The following NPAS1 variants were observed in gnomAD, a reference collection of about 807,000 sequenced individuals.
NPAS1 encodes the protein neuronal PAS domain protein 1.
In NPAS1, 29 loss-of-function variants were observed where a neutral mutation model predicts 49.2. The observed-to-expected ratio is 0.59, with a 90% confidence interval of 0.44 to 0.80. The LOEUF (loss-of-function observed/expected upper bound fraction) is 0.80. NPAS1 is among the 30% of genes least tolerant of loss of function. The pLI, the probability that NPAS1 is intolerant of heterozygous loss-of-function variation, is 0.00. For missense variants in NPAS1, 825 were observed against 835.5 expected (o/e 0.99, Z 0.15); for synonymous variants, 408 against 380.4 (o/e 1.07, Z -0.84).
Position 47,039,103 on chromosome 19 carries a change from A to G in NPAS1, c.756A>G (p.Lys252=), listed in dbSNP as rs2056991335. 1.2e-6 allele frequency: 2 copies of G among 1,613,654 alleles called. No individual in the cohort carries two copies. The highest frequency in any genetic ancestry group is 1.7e-4 in the Middle Eastern group (1 of 6,056). ...VQERSFFVRM[K]STLTKRGLHV... ...AGCGCTCCTTCTTTGTCCGCATGAA[A>G]TCCACGCTCACCAAGAGGGGGCTGC... Residue 252 remains lysine, a synonymous_variant, in exon 7 of 12, where the codon AAA becomes AAG. Transcript: ENST00000602212.
In NPAS1 at chr19:47,045,271, G is replaced by A; in HGVS notation, c.1393G>A (p.Val465Met). 1 of 1,614,024 alleles carries A rather than the reference G, an allele frequency of 6.2e-7. No homozygotes were observed. The highest frequency in any genetic ancestry group is 8.5e-7 in the Non-Finnish European group (1 of 1,180,008). ...APQTQGKRIKVEPGPRETKGS... is the reference protein window; with the variant it reads ...APQTQGKRIKMEPGPRETKGS... ...CCAGACCCAGGGCAAACGCATCAAA[G>A]TGGAGCCCGGCCCGAGGGAAACCAA... is the stretch of plus-strand genomic sequence containing the variant. The change falls in exon 12 of 12, where the codon GTG becomes ATG. Residue 465 changes from valine (V) to methionine (M), a missense_variant. Physicochemically the swap from Val to Met is conservative, Grantham distance 21 (BLOSUM62 1). Coordinates refer to ENST00000602212, the MANE Select transcript of NPAS1 (RefSeq NM_002517.4).
At chr19:47,031,633 C>T (rs956700224) in intron 3 of NPAS1, among the ~76,000 whole-genome samples, 3 of 151,322 alleles carry the variant, frequency 2.0e-5, no homozygotes, top group African/African-American at 7.3e-5. Context: ...CGGTTTCAAG[C>T]GATTCTCCTG....
chr19:47,041,039 C>T lies in NPAS1; in HGVS notation c.1131C>T (p.Phe377=), dbSNP rs779404076. Reference sequence around the variant, plus strand: ...GTTGGCTGCAGCGTGCCGGGGGCTTCGTGTGGCTGCAGTCTGTGGCCACAG... The same window carrying T: ...GTTGGCTGCAGCGTGCCGGGGGCTTTGTGTGGCTGCAGTCTGTGGCCACAG... ...YYRWLQRAGG[F]VWLQSVATVA... is the part of the protein sequence containing the mutation. Residue 377 remains phenylalanine, a synonymous_variant, in exon 10 of 12, where the codon TTC becomes TTT. Transcript: ENST00000602212. 1.3e-5 allele frequency: 20 copies of T among 1,578,582 alleles called. No individual in the cohort carries two copies. Among genetic ancestry groups the T allele is most frequent in the African/African-American group, 2.7e-5 (2 of 74,306 alleles).
intron 6 of NPAS1, among the ~76,000 whole-genome samples, chr19:47,037,338 CAA>C (rs869125845): frequency 5.5e-3 from 282 of 51,706 alleles, no homozygotes; most frequent in African/African-American, 0.021. Flanking sequence ...ACTCCGTCTC[CAA>C]AAAAAAAAAA....
Position 47,040,612 on chromosome 19 carries a change from C to T in NPAS1, c.1069+62C>T, listed in dbSNP as rs969930012. 7.7e-6 allele frequency: 9 copies of T among 1,172,808 alleles called. No homozygotes were observed. In the African/African-American group the frequency reaches 1.1e-4, roughly 14 times the overall value. The allele number at this position is 1,172,808 out of a possible 1,614,324, so 72.7% of individuals were successfully genotyped here. A position where few individuals can be genotyped will look rare whatever the true frequency, so the allele number is the denominator to read the frequency against. ...CCCCCCAGACCCGAGCATCCCACTCCCTGGTCCCTGGAAGTCCTTCTTCAG... is the reference window on the plus strand; with the variant it reads ...CCCCCCAGACCCGAGCATCCCACTCTCTGGTCCCTGGAAGTCCTTCTTCAG... On this transcript the variant is annotated intron_variant, in intron 9 of 11. Transcript: ENST00000602212.
In NPAS1 at chr19:47,020,239, G is replaced by A. The variant is rs531803919; in HGVS notation, c.-43+242G>A. The stretch of plus-strand genomic sequence containing the variant: ...GGCGGCCTGGTTCCTGGGGTTAGGG[G>A]GTGTTCTGAACGCCTGGTCCTGGAG... On this transcript the variant is annotated intron_variant, in intron 1 of 11. Coordinates refer to ENST00000602212, the MANE Select transcript of NPAS1 (RefSeq NM_002517.4). Among the ~76,000 whole-genome samples, 7 of 151,926 alleles carry A rather than the reference G, an allele frequency of 4.6e-5. No homozygotes were observed. In the South Asian group the frequency reaches 1.2e-3, roughly 27 times the overall value.
At position 47,039,475 on chromosome 19, in the gene NPAS1, C is replaced by G; in HGVS notation, c.873C>G (p.Pro291=). The G allele has an allele frequency of 6.2e-7, 1 of 1,610,808 alleles. No homozygotes were observed. Among genetic ancestry groups the G allele is most frequent in the Non-Finnish European group, 8.5e-7 (1 of 1,179,034 alleles). ...TTGTGGCCCTCGGGCACACGTTGCC[C>G]CCGGCCCCCCTGGCTGAGCTGCCAC... ...LGLVALGHTL[P]PAPLAELPLH... The change falls in exon 8 of 12, where the codon CCC becomes CCG. Residue 291 remains proline (P), a synonymous_variant. Coordinates refer to ENST00000602212, the MANE Select transcript of NPAS1 (RefSeq NM_002517.4).
intron 9 of NPAS1, 188 bp downstream of exon 9, chr19:47,040,738 T>TC (rs1447315910): frequency 8.0e-6 from 4 of 498,738 alleles, no homozygotes; most frequent in South Asian, 2.6e-5. Context: ...GATGTGTGTG[T>TC]GGGGGGGGGG....
At chr19:47,020,807 G>T in intron 1 of NPAS1, 199 bp from the exon 2 acceptor site, 1 of 352,378 alleles carries the variant, frequency 2.8e-6, no homozygotes. Flanking sequence ...GCGGCGGCGG[G>T]GCACGTCCTC....
In NPAS1 at chr19:47,021,858, A is replaced by T. The variant is rs1182406131; in HGVS notation, c.358+11A>T. 7.0e-7 allele frequency: 1 copy of T among 1,438,566 alleles called. No homozygotes were observed. Among genetic ancestry groups the T allele is most frequent in the Non-Finnish European group, 9.1e-7 (1 of 1,099,582 alleles). The allele number at this position is 1,438,566 out of a possible 1,614,324, so 89.1% of individuals were successfully genotyped here. A position where few individuals can be genotyped will look rare whatever the true frequency, so the allele number is the denominator to read the frequency against. On this transcript the variant is annotated intron_variant, in intron 3 of 11. Coordinates refer to ENST00000602212, the MANE Select transcript of NPAS1 (RefSeq NM_002517.4). The surrounding 1 kb of genome is among the most constrained non-coding windows in gnomAD (Gnocchi z 5.7). The stretch of plus-strand genomic sequence containing the variant: ...CGCCAGCTGGCCTCGGTGAGTGCTC[A>T]TGCGCGGGGCGAGGGTCCCGGGGCC...
intron 5 of NPAS1, among the ~76,000 whole-genome samples, chr19:47,033,764 C>A (rs1316898829): frequency 6.6e-6 from 1 of 151,498 alleles, no homozygotes; most frequent in Non-Finnish European, 1.5e-5. Context: ...TCAAAACCAG[C>A]CTGGGCAACA....
chr19:47,027,905 G>A (rs926008973), intron 3 of NPAS1, among the ~76,000 whole-genome samples: 9 of 152,196 alleles, frequency 5.9e-5, no homozygotes, highest in Non-Finnish European at 1.2e-4. Context: ...ACAGAGGAGT[G>A]GGGACATTTT....
chr19:47,029,672 A>G (rs2056894164), intron 3 of NPAS1, among the ~76,000 whole-genome samples: 1 of 152,154 alleles, frequency 6.6e-6, no homozygotes, highest in African/African-American at 2.4e-5. Context: ...AAGCACTGAG[A>G]TTACAGGTGT....
intron 3 of NPAS1, among the ~76,000 whole-genome samples, chr19:47,027,492 C>CTCTGCCCCTGGTCTCCTGTCTG (rs1568501482): frequency 3.2e-5 from 2 of 62,796 alleles, no homozygotes; most frequent in Non-Finnish European, 3.3e-5. Flanking sequence ...TCTCCCGTCT[C>CTCTGCCCCTGGTCTCCTGTCTG]TCTGCCCCTG....
At chr19:47,040,588 C>A (rs2057008164) in intron 9 of NPAS1, 38 bp downstream of exon 9, 3 of 1,410,378 alleles carry the variant, frequency 2.1e-6, no homozygotes, top group South Asian at 2.5e-5. Flanking sequence ...TGCCTACCAC[C>A]CCCCAGACCC....
At chr19:47,029,275 G>C (rs2056891790) in intron 3 of NPAS1, among the ~76,000 whole-genome samples, 1 of 151,894 alleles carries the variant, frequency 6.6e-6, no homozygotes, top group Non-Finnish European at 1.5e-5. Flanking sequence ...GTAGAGACAG[G>C]GTTTCACTAT....
intron 6 of NPAS1, 131 bp from the exon 7 acceptor site, chr19:47,038,905 G>C: frequency 1.4e-6 from 1 of 715,360 alleles, no homozygotes; most frequent in South Asian, 1.6e-5. Context: ...AAAATCATCA[G>C]GCATGCCTCT....
chr19:47,039,334 C>T (rs1409969435), intron 7 of NPAS1, 73 bp from the exon 8 acceptor site: 2 of 1,586,734 alleles, frequency 1.3e-6, no homozygotes, highest in East Asian at 2.2e-5. Flanking sequence ...CAGAGGGAAC[C>T]CAGCCCAGTG....
chr19:47,021,590 C>T lies in NPAS1; in HGVS notation c.123-22C>T. ...CTGAGCCCCGGGGCCCCGCCGACAC[C>T]TCCTCCGCGCCGCCCGCCCAGCCTG... On this transcript the variant is annotated intron_variant, in intron 2 of 11. Coordinates refer to ENST00000602212, the MANE Select transcript of NPAS1 (RefSeq NM_002517.4). The surrounding 1 kb of genome is among the most constrained non-coding windows in gnomAD (Gnocchi z 5.7). 6.9e-7 allele frequency: 1 copy of T among 1,440,504 alleles called. No individual in the cohort carries two copies. The highest frequency in any genetic ancestry group is 2.8e-5 in the East Asian group (1 of 36,246). The allele number at this position is 1,440,504 out of a possible 1,614,324, so 89.2% of individuals were successfully genotyped here. A position where few individuals can be genotyped will look rare whatever the true frequency, so the allele number is the denominator to read the frequency against.
Sources: allele counts gnomAD v4.1 joint callset (sites outside exome capture counted in the v4.1 genomes callset), GRCh38; gene constraint gnomAD v4.1.1; non-coding constraint Gnocchi (gnomAD v3.1); transcripts MANE v1.5; gene names NCBI Gene and HGNC (gene_info 2026-07-23, HGNC 2026-07-21).